Variants in COL4A3 observed in about 807,000 individuals in gnomAD.
COL4A3 encodes collagen alpha-3(IV) chain.
A neutral mutation model predicts 217.4 loss-of-function variants in COL4A3; 135 were observed. The observed-to-expected ratio is 0.62, with a 90% CI of 0.54 to 0.72. The LOEUF is 0.72. COL4A3 is among the 30% of genes least tolerant of loss of function. The probability of loss-of-function intolerance (pLI) is 0.00; values close to 1 mark genes in which losing one functional copy is unlikely to be tolerated. For synonymous variants in COL4A3, 690 were observed against 736.3 expected, an observed-to-expected ratio of 0.94 and a Z score of 1.02; for missense variants, 1,868 against 2,119.9, an observed-to-expected ratio of 0.88 and a Z score of 2.33.
intron 47 of COL4A3, among the ~76,000 whole-genome samples, chr2:227,307,177 C>A (rs2073542827): frequency 6.6e-6 from 1 of 152,144 alleles, no homozygotes; most frequent in African/African-American, 2.4e-5. Context: ...AAAAAGCCTT[C>A]TCTTCTTACT....
chr2:227,191,813 G>A lies in COL4A3; in HGVS notation c.87+27000G>A, dbSNP rs369739406. On this transcript the variant is annotated intron_variant, in intron 1 of 51. Coordinates refer to ENST00000396578, the MANE Select transcript of COL4A3 (RefSeq NM_000091.5). This position sits in a 1 kb window ranked among gnomAD's most constrained non-coding sequence, Gnocchi z 6.8. The stretch of plus-strand genomic sequence containing the variant: ...TTTTTTCATAATTAGTTTCTGGAAC[G>A]CTAATAATAAGAAGAACTTAGAATA... Among the ~76,000 whole-genome samples, 4 of 152,062 alleles carry A rather than the reference G, an allele frequency of 2.6e-5. No homozygotes were observed. The highest frequency in any genetic ancestry group is 7.2e-5 in the African/African-American group (3 of 41,402).
chr2:227,301,124 GCC>G (rs1427688042), intron 43 of COL4A3, among the ~76,000 whole-genome samples: 1 of 148,364 alleles, frequency 6.7e-6, no homozygotes, highest in Non-Finnish European at 1.5e-5. Context: ...AGCTCTTTGT[GCC>G]CAGAGTTTGC....
intron 47 of COL4A3, among the ~76,000 whole-genome samples, chr2:227,307,277 T>C (rs1469979582): frequency 6.6e-6 from 1 of 152,262 alleles, no homozygotes; most frequent in East Asian, 1.9e-4. Flanking sequence ...GTAGACAATG[T>C]TGCAATAATT....
rs1316614647 is a variant in COL4A3 at position 227,314,519 on chromosome 2, T to A, written c.*2649T>A. 4 of 152,620 alleles carry A rather than the reference T, an allele frequency of 2.6e-5. No homozygotes were observed. In the East Asian group the frequency reaches 7.7e-4, roughly 29 times the overall value. The allele number at this position is 152,620 out of a possible 1,614,324, so 9.5% of individuals were successfully genotyped here. On this transcript the variant is annotated 3_prime_UTR_variant, in exon 52 of 52. Transcript: ENST00000396578. ...AGTCTTTCAGCAAGATAAACATTATTAAGTAACTTATTTATGAAAGTATTA... is the reference window on the plus strand; with the variant it reads ...AGTCTTTCAGCAAGATAAACATTATAAAGTAACTTATTTATGAAAGTATTA...
intron 20 of COL4A3, 151 bp downstream of exon 20, chr2:227,261,268 T>C: frequency 1.4e-6 from 1 of 700,750 alleles, no homozygotes; most frequent in Non-Finnish European, 2.4e-6. Flanking sequence ...CTCACGCCTG[T>C]AATCCCAGCA....
chr2:227,207,049 G>A (rs1271916036), intron 1 of COL4A3, among the ~76,000 whole-genome samples: 3 of 152,124 alleles, frequency 2.0e-5, no homozygotes, highest in Non-Finnish European at 4.4e-5. Context: ...GCTCTGATAT[G>A]TACTCCAGAG....
At chr2:227,291,562 C>CAAAAAAAAAAAAAAA (rs869289707) in intron 37 of COL4A3, among the ~76,000 whole-genome samples, 1 of 34,400 alleles carries the variant, frequency 2.9e-5, no homozygotes, top group East Asian at 4.7e-4. Context: ...GACTCCGTCT[C>CAAAAAAAAAAAAAAA]AAAAAAAAAA....
Position 227,263,915 on chromosome 2 carries a change from C to T in COL4A3, c.1286C>T (p.Pro429Leu), listed in dbSNP as rs2070740582. Residue 429 changes from proline (P) to leucine (L), a missense_variant, in exon 21 of 52, where the codon CCA (proline) becomes CTA (leucine). By Grantham distance (98) the Pro-to-Leu change is moderately conservative (BLOSUM62 -3). Transcript: ENST00000396578. ...SPGCAGSPGL[P>L]GSPGPPGPPG... ...GGTTGTGCTGGTTCACCAGGTCTTC[C>T]AGGATCACCGGGACCTCCAGGACCG... 1 of 1,614,054 alleles carries T rather than the reference C, an allele frequency of 6.2e-7. No individual in the cohort carries two copies. Among genetic ancestry groups the T allele is most frequent in the African/African-American group, 1.3e-5 (1 of 74,924 alleles).
chr2:227,200,415 C>T (rs911649875), intron 1 of COL4A3, among the ~76,000 whole-genome samples: 1 of 152,182 alleles, frequency 6.6e-6, no homozygotes, highest in African/African-American at 2.4e-5. Context: ...ATTATTGGCT[C>T]TCATCTCACT....
rs2070033769 is a variant in COL4A3, at chr2:227,254,642, T to C, written c.829-14T>C. On this transcript the variant is annotated splice_polypyrimidine_tract_variant and intron_variant, in intron 14 of 51. Coordinates refer to ENST00000396578, the MANE Select transcript of COL4A3 (RefSeq NM_000091.5). ...AGTAATTCATAAAATTTGACATGGCTCTAATTAATACAGGGACTGCCTGGA... is the reference window on the plus strand; with the variant it reads ...AGTAATTCATAAAATTTGACATGGCCCTAATTAATACAGGGACTGCCTGGA... 3 of 1,598,914 alleles carry C rather than the reference T, an allele frequency of 1.9e-6. No homozygotes were observed. Among genetic ancestry groups the C allele is most frequent in the Non-Finnish European group, 2.6e-6 (3 of 1,166,192 alleles).
chr2:227,226,143 A>G (rs1039589814), intron 1 of COL4A3, among the ~76,000 whole-genome samples: 1 of 152,114 alleles, frequency 6.6e-6, no homozygotes, highest in African/African-American at 2.4e-5. Flanking sequence ...TTGTGTTTGG[A>G]GGTGGCCATT....
chr2:227,225,937 C>T (rs1342227461), intron 1 of COL4A3, among the ~76,000 whole-genome samples: 2 of 152,114 alleles, frequency 1.3e-5, no homozygotes, highest in Non-Finnish European at 2.9e-5. Flanking sequence ...GTCTTGAACT[C>T]CTGACTTCAA....
At chr2:227,199,999 A>C (rs768532248) in intron 1 of COL4A3, among the ~76,000 whole-genome samples, 5 of 152,198 alleles carry the variant, frequency 3.3e-5, no homozygotes, top group Admixed American at 6.5e-5. Context: ...GTATGGTTTG[A>C]CCTAATCACA....
chr2:227,314,565 G>A lies in COL4A3; in HGVS notation c.*2695G>A, dbSNP rs2073841272. The A allele has an allele frequency of 6.6e-6, 1 of 152,516 alleles. No individual in the cohort carries two copies. The highest frequency in any genetic ancestry group is 6.6e-5 in the Admixed American group (1 of 15,266). 9.4% of individuals were successfully genotyped at this position (152,516 alleles called of 1,614,324 possible). ...TATTAAAATGCTTACATTTGAACTT[G>A]ATGGCTAACTTACAAAGATTCTCTA... On this transcript the variant is annotated 3_prime_UTR_variant, in exon 52 of 52. Transcript: ENST00000396578.
At chr2:227,271,041 G>A (rs2071204729) in intron 25 of COL4A3, 89 bp downstream of exon 25, 8 of 1,235,784 alleles carry the variant, frequency 6.5e-6, no homozygotes, top group African/African-American at 2.9e-5. Context: ...ATGGTTGGCC[G>A]CTCAGCACAG....
At chr2:227,298,882 AT>A (rs2073154602) in intron 43 of COL4A3, 70 bp downstream of exon 43, 1 of 1,354,552 alleles carries the variant, frequency 7.4e-7, no homozygotes, top group Admixed American at 2.1e-5. Context: ...TATATTGTAT[AT>A]TATATCATAT....
intron 1 of COL4A3, among the ~76,000 whole-genome samples, chr2:227,174,382 T>C (rs2125648867): frequency 6.6e-6 from 1 of 152,306 alleles, no homozygotes; most frequent in South Asian, 2.1e-4. Flanking sequence ...GCCAAGTAAA[T>C]TCCAAAAAGG....
At chr2:227,244,644 T>G (rs757318615) in intron 4 of COL4A3, among the ~76,000 whole-genome samples, 17 of 152,198 alleles carry the variant, frequency 1.1e-4, no homozygotes, top group Non-Finnish European at 1.9e-4. Context: ...GGTCAACCTT[T>G]GTTAAGCTGT....
At chr2:227,169,623 G>A (rs970478675) in intron 1 of COL4A3, among the ~76,000 whole-genome samples, 5 of 152,040 alleles carry the variant, frequency 3.3e-5, no homozygotes, top group African/African-American at 4.8e-5. Context: ...GTTTTGATTC[G>A]CATTTCTATG....
Sources: gnomAD v4.1 joint callset for allele counts (sites outside exome capture counted in the v4.1 genomes callset) on GRCh38, gnomAD v4.1.1 for gene constraint, Gnocchi (gnomAD v3.1) non-coding constraint, MANE v1.5 for transcripts, NCBI Gene and HGNC (gene_info 2026-07-23, HGNC 2026-07-21) for gene names.